Variants in TENM3 observed in about 807,000 individuals in gnomAD.
TENM3 encodes teneurin transmembrane protein 3.
Under a neutral mutation model 255.1 loss-of-function variants are expected in TENM3, and 63 were observed. The ratio of observed to expected loss-of-function variants is 0.25; its 90% CI spans 0.20 to 0.30. The LOEUF (loss-of-function observed/expected upper bound fraction) is 0.30. Ranked by LOEUF, TENM3 falls within the 10% of genes least tolerant of loss-of-function variation. TENM3 has a pLI of 1.00. For missense variants in TENM3, 2,929 were observed against 3,461.1 expected, an observed-to-expected ratio of 0.85 and a Z score of 3.86; for synonymous variants, 1,306 against 1,322.3, an observed-to-expected ratio of 0.99 and a Z score of 0.27.
the TENM3 span, among the ~76,000 whole-genome samples, chr4:181,755,556 A>G: frequency 2.0e-5 from 3 of 152,154 alleles, no homozygotes; most frequent in African/African-American, 7.2e-5. Context: ...ACAAAGTTGA[A>G]GTGACCATTC....
chr4:182,351,068 TA>T (rs1214290160), intron 3 of TENM3, among the ~76,000 whole-genome samples: 1 of 147,326 alleles, frequency 6.8e-6, no homozygotes, highest in African/African-American at 2.5e-5. Flanking sequence ...TCCAAATACC[TA>T]TTTAAACGTC....
intron 3 of TENM3, among the ~76,000 whole-genome samples, chr4:182,561,983 G>A (rs562829007): frequency 3.6e-4 from 50 of 140,192 alleles, no homozygotes; most frequent in Non-Finnish European, 6.4e-4. Context: ...TAGATAGATA[G>A]ACAGATAGAT....
intron 1 of TENM3, among the ~76,000 whole-genome samples, chr4:182,153,721 G>C (rs1234949117): frequency 3.3e-5 from 5 of 152,098 alleles, no homozygotes; most frequent in Non-Finnish European, 7.4e-5. Context: ...GTAGCTTTTA[G>C]ACACTGTATT....
At chr4:181,856,872 G>A in the TENM3 span, among the ~76,000 whole-genome samples, 2 of 152,194 alleles carry the variant, frequency 1.3e-5, no homozygotes, top group South Asian at 2.1e-4. Context: ...GTAGGAGGCA[G>A]CACCACAGTG....
intron 26 of TENM3, among the ~76,000 whole-genome samples, chr4:182,794,591 T>A (rs1766354662): frequency 6.6e-6 from 1 of 152,256 alleles, no homozygotes. Flanking sequence ...TCATTGCCAG[T>A]GCAGTTCTTG....
At chr4:182,790,554 C>G (rs952764572) in intron 25 of TENM3, among the ~76,000 whole-genome samples, 2 of 152,114 alleles carry the variant, frequency 1.3e-5, no homozygotes, top group African/African-American at 4.8e-5. Context: ...CTTACGGCAG[C>G]CCCCCACCTC....
At chr4:182,264,779 G>A (rs1306958436) in intron 1 of TENM3, among the ~76,000 whole-genome samples, 1 of 152,210 alleles carries the variant, frequency 6.6e-6, no homozygotes, top group Non-Finnish European at 1.5e-5. Context: ...CATGGCTAAA[G>A]TTGGGTAATA....
chr4:182,788,711 C>T lies in TENM3; in HGVS notation c.5305-382C>T, dbSNP rs148785281. 5.3e-3 allele frequency among the ~76,000 whole-genome samples: 800 copies of T among 152,274 alleles called. 33 individuals are homozygous for T. The highest frequency in any genetic ancestry group is 0.042 in the Admixed American group (642 of 15,298). On this transcript the variant is annotated intron_variant, in intron 24 of 27. Transcript: ENST00000511685. ...ACCGCTGTGTTTTATTTAATGTAGC[C>T]ATGATTAATTTACTAAGCAATTATT... is the stretch of plus-strand genomic sequence containing the variant.
chr4:182,035,089 A>G, the TENM3 span, among the ~76,000 whole-genome samples: 1 of 151,954 alleles, frequency 6.6e-6, no homozygotes, highest in Non-Finnish European at 1.5e-5. Context: ...CCTTTTCCAA[A>G]TGCATCTTTT....
At chr4:182,541,801 G>C (rs1418073490) in intron 3 of TENM3, among the ~76,000 whole-genome samples, 1 of 152,110 alleles carries the variant, frequency 6.6e-6, no homozygotes, top group Non-Finnish European at 1.5e-5. Flanking sequence ...GCTCATGGCT[G>C]TAATCCCAGC....
the TENM3 span, among the ~76,000 whole-genome samples, chr4:181,846,517 A>G: frequency 2.0e-5 from 3 of 152,176 alleles, no homozygotes; most frequent in Non-Finnish European, 4.4e-5. Flanking sequence ...ATTTTGGTTC[A>G]ATTTTTTGAA....
chr4:182,254,271 C>T (rs1377588148), intron 1 of TENM3, among the ~76,000 whole-genome samples: 2 of 151,630 alleles, frequency 1.3e-5, no homozygotes. Context: ...ACCCATGAGC[C>T]GTTCCATCTT....
At chr4:182,483,033 A>C (rs2151525059) in intron 3 of TENM3, among the ~76,000 whole-genome samples, 1 of 151,362 alleles carries the variant, frequency 6.6e-6, no homozygotes, top group African/African-American at 2.4e-5. Context: ...AGGAAAAGAA[A>C]AAGAACATGT....
At chr4:182,220,555 G>T (rs1755792722) in intron 1 of TENM3, among the ~76,000 whole-genome samples, 1 of 21,226 alleles carries the variant, frequency 4.7e-5, no homozygotes, top group Non-Finnish European at 1.4e-4. Flanking sequence ...TCCAAATGTG[G>T]GGGGCACTGC....
At chr4:181,655,583 A>T in the TENM3 span, among the ~76,000 whole-genome samples, 2 of 152,184 alleles carry the variant, frequency 1.3e-5, no homozygotes, top group Non-Finnish European at 2.9e-5. Context: ...TGCTATGGCC[A>T]CCTGCCATGT....
At chr4:182,018,894 G>T in the TENM3 span, among the ~76,000 whole-genome samples, 6 of 152,138 alleles carry the variant, frequency 3.9e-5, no homozygotes, top group Non-Finnish European at 7.3e-5. Flanking sequence ...GAAAACAGTG[G>T]CTTTAAAAGA....
intron 3 of TENM3, among the ~76,000 whole-genome samples, chr4:182,541,862 C>A (rs564056713): frequency 3.6e-4 from 54 of 151,942 alleles, no homozygotes; most frequent in Admixed American, 9.2e-4. Flanking sequence ...AGTTCAAGAC[C>A]AGCCTGAGTA....
At chr4:182,377,739 A>G (rs2309654) in intron 3 of TENM3, among the ~76,000 whole-genome samples, 107,562 of 152,138 alleles carry the variant, frequency 0.71, 39,713 homozygotes, top group East Asian at 0.97. Flanking sequence ...TTAAATTTTC[A>G]TTAGGAATAC....
intron 1 of TENM3, among the ~76,000 whole-genome samples, chr4:182,216,459 G>A (rs6818957): frequency 0.033 from 4,994 of 152,076 alleles, 272 homozygotes; most frequent in African/African-American, 0.11. Context: ...GGTACCTGTG[G>A]CCACTCCTGA....
Sources: allele counts gnomAD v4.1 joint callset (sites outside exome capture counted in the v4.1 genomes callset), GRCh38; gene constraint gnomAD v4.1.1; transcripts MANE v1.5; gene names NCBI Gene and HGNC (gene_info 2026-07-23, HGNC 2026-07-21).